The following CREBBP variants were observed in gnomAD, a reference collection of about 807,000 sequenced individuals.
The protein encoded by CREBBP is CREB-binding protein.
CREBBP carries 19 observed loss-of-function variants against 265.0 expected under a neutral mutation model. That is an observed-to-expected ratio of 0.07 (90% CI 0.05 to 0.11). The LOEUF is 0.11. Among genes scored for constraint, CREBBP ranks in the 10% least tolerant of loss-of-function variants. The pLI, the probability that CREBBP is intolerant of heterozygous loss-of-function variation, is 1.00. For missense variants in CREBBP, 2,525 were observed against 3,219.0 expected (o/e 0.78, Z 5.22); for synonymous variants, 1,457 against 1,223.7 (o/e 1.19, Z -3.98).
intron 2 of CREBBP, among the ~76,000 whole-genome samples, chr16:3,823,632 T>C (rs1272210322): frequency 1.3e-5 from 2 of 152,304 alleles, no homozygotes; most frequent in Non-Finnish European, 1.5e-5. Flanking sequence ...GTTTGGCTCT[T>C]GGTACCACAA....
chr16:3,830,463 T>C (rs1417484642), intron 2 of CREBBP, among the ~76,000 whole-genome samples: 1 of 151,924 alleles, frequency 6.6e-6, no homozygotes, highest in Non-Finnish European at 1.5e-5. Context: ...GAGTCTACAT[T>C]AAATATGAGA....
At chr16:3,770,501 C>T (rs1228409816) in intron 14 of CREBBP, 69 bp downstream of exon 14, 12 of 1,572,374 alleles carry the variant, frequency 7.6e-6, no homozygotes, top group Non-Finnish European at 1.0e-5. Context: ...TGGCCTGACA[C>T]ACAATTTTTA....
At chr16:3,761,387 G>C (rs2052714044) in intron 16 of CREBBP, among the ~76,000 whole-genome samples, 1 of 152,196 alleles carries the variant, frequency 6.6e-6, no homozygotes, top group African/African-American at 2.4e-5. Context: ...TCAATTCTGT[G>C]TGGGGTGGGG....
At chr16:3,745,199 G>T in intron 22 of CREBBP, 78 bp downstream of exon 22, 1 of 1,256,780 alleles carries the variant, frequency 8.0e-7, no homozygotes, top group South Asian at 1.3e-5. Flanking sequence ...AACAATGAAT[G>T]AGATGCAGTA....
At position 3,782,665 on chromosome 16, in the gene CREBBP, T is replaced by G. The variant is rs1208872037; in HGVS notation, c.1573+19A>C. ...GCATGTGGACAAGTAAGAACGAAGTTGAGAGTTCCTTCACCTACCCAGGGG... is the reference window on the plus strand; with the variant it reads ...GCATGTGGACAAGTAAGAACGAAGTGGAGAGTTCCTTCACCTACCCAGGGG... On this transcript the variant is annotated intron_variant, in intron 6 of 30. Coordinates refer to ENST00000262367, the MANE Select transcript of CREBBP (RefSeq NM_004380.3). 6.2e-7 allele frequency: 1 copy of G among 1,613,582 alleles called. No individual in the cohort carries two copies. The highest frequency in any genetic ancestry group is 1.3e-5 in the African/African-American group (1 of 75,016).
At chr16:3,750,328 G>GT (rs781618514) in intron 20 of CREBBP, among the ~76,000 whole-genome samples, 3 of 152,170 alleles carry the variant, frequency 2.0e-5, no homozygotes, top group South Asian at 2.1e-4. Context: ...TACAAGTTAG[G>GT]TTTTTTCTGC....
chr16:3,762,361 CTTTTTTTTT>C (rs35125490), intron 16 of CREBBP, among the ~76,000 whole-genome samples: 1 of 118,690 alleles, frequency 8.4e-6, no homozygotes, highest in Non-Finnish European at 1.7e-5. Flanking sequence ...ATTTTCTTTC[CTTTTTTTTT>C]TTTTTTTTTT....
chr16:3,869,543 T>C (rs564349275), intron 1 of CREBBP, among the ~76,000 whole-genome samples: 114 of 152,318 alleles, frequency 7.5e-4, no homozygotes, highest in Middle Eastern at 3.4e-3. Context: ...GTACTTACAG[T>C]TGTGCTGTCC....
At chr16:3,736,567 G>A (rs1596805303) in intron 27 of CREBBP, 83 bp downstream of exon 27, 2 of 1,559,320 alleles carry the variant, frequency 1.3e-6, no homozygotes, top group Non-Finnish European at 8.8e-7. Context: ...TAATTAACAA[G>A]TATGCGAATG....
chr16:3,845,260 G>C (rs576136257), intron 2 of CREBBP, among the ~76,000 whole-genome samples: 31 of 152,130 alleles, frequency 2.0e-4, no homozygotes, highest in Non-Finnish European at 4.0e-4. Flanking sequence ...AGATAAATCT[G>C]ATAAAGTGTA....
rs753022228 is a variant in CREBBP, at chr16:3,782,938, A to AACAG, written c.1331-16_1331-13dup. 4 of 1,613,762 alleles carry AACAG rather than the reference A, an allele frequency of 2.5e-6. No individual in the cohort carries two copies. Among genetic ancestry groups the AACAG allele is most frequent in the Non-Finnish European group, 3.4e-6 (4 of 1,179,714 alleles). On this transcript the variant is annotated splice_polypyrimidine_tract_variant and intron_variant, in intron 5 of 30. Transcript: ENST00000262367. ...AGACCCCAGGATGGCTATAACGACA[A>AACAG]ACAGACAGACAGACAAAAACGAGAG...
At chr16:3,828,341 C>T (rs1597014508) in intron 2 of CREBBP, among the ~76,000 whole-genome samples, 1 of 152,224 alleles carries the variant, frequency 6.6e-6, no homozygotes, top group Admixed American at 6.5e-5. Flanking sequence ...ATCCACCCGC[C>T]TCGGCCTCCC....
At chr16:3,738,950 T>A (rs1342522357) in intron 25 of CREBBP, among the ~76,000 whole-genome samples, 1 of 152,184 alleles carries the variant, frequency 6.6e-6, no homozygotes, top group Non-Finnish European at 1.5e-5. Flanking sequence ...ACTTTGTTGT[T>A]CAGACTTGTC....
rs138240077 is a variant in CREBBP, at chr16:3,845,953, T to C, written c.798+4344A>G. On this transcript the variant is annotated intron_variant, in intron 2 of 30. Transcript: ENST00000262367. The stretch of plus-strand genomic sequence containing the variant: ...AATACAGGAAAATATTTCTTAATTT[T>C]TTAATAGGAAAAGCACTTCTAAAAT... 9.2e-3 allele frequency among the ~76,000 whole-genome samples: 1,397 copies of C among 151,726 alleles called. 14 individuals are homozygous for C. The highest frequency in any genetic ancestry group is 0.017 in the Middle Eastern group (5 of 294).
At chr16:3,867,495 C>CA (rs2055199892) in intron 1 of CREBBP, among the ~76,000 whole-genome samples, 1 of 151,624 alleles carries the variant, frequency 6.6e-6, no homozygotes, top group Admixed American at 6.6e-5. Flanking sequence ...CCGTCTCAAA[C>CA]AAAAAACAAG....
intron 19 of CREBBP, among the ~76,000 whole-genome samples, chr16:3,754,114 A>T (rs556920760): frequency 3.4e-5 from 5 of 145,458 alleles, no homozygotes; most frequent in African/African-American, 1.1e-4. Context: ...CCAGGATCAG[A>T]ACCGGGGAGG....
At chr16:3,805,854 C>T (rs1327611656) in intron 3 of CREBBP, among the ~76,000 whole-genome samples, 1 of 152,080 alleles carries the variant, frequency 6.6e-6, no homozygotes, top group Admixed American at 6.6e-5. Flanking sequence ...TGTAAAACCA[C>T]GAGTTCCAGC....
rs130050 is a variant in CREBBP, at chr16:3,813,547, G to T, written c.799-2768C>A. Among the ~76,000 whole-genome samples the T allele has an allele frequency of 3.7e-3, 562 of 152,230 alleles. 3 individuals carry two copies. Among genetic ancestry groups the T allele is most frequent in the Middle Eastern group, 0.01 (3 of 294 alleles). ...CATATAACCAAACCGCTGAAACATTGTTCTTAGAAGCCTAGAATTTGAATA... is the reference window on the plus strand; with the variant it reads ...CATATAACCAAACCGCTGAAACATTTTTCTTAGAAGCCTAGAATTTGAATA... On this transcript the variant is annotated intron_variant, in intron 2 of 30. Coordinates refer to ENST00000262367, the MANE Select transcript of CREBBP (RefSeq NM_004380.3).
intron 8 of CREBBP, 129 bp downstream of exon 8, chr16:3,780,603 C>T: frequency 1.0e-6 from 1 of 957,596 alleles, no homozygotes; most frequent in Non-Finnish European, 1.6e-6. Context: ...AGAACTCTAC[C>T]AGCAGTGAGA....
Sources: gnomAD v4.1 joint callset for allele counts (sites outside exome capture counted in the v4.1 genomes callset) on GRCh38, gnomAD v4.1.1 for gene constraint, MANE v1.5 for transcripts, NCBI Gene and HGNC (gene_info 2026-07-23, HGNC 2026-07-21) for gene names.